The following RUFY4 variants were observed in gnomAD, a reference collection of about 807,000 sequenced individuals.
RUFY4 encodes the protein RUN and FYVE domain-containing protein 4.
In RUFY4, 73 loss-of-function variants were observed where a neutral mutation model predicts 69.0. That is an observed-to-expected ratio of 1.06 (90% CI 0.88 to 1.29). The LOEUF (loss-of-function observed/expected upper bound fraction) is 1.29. Among genes scored for constraint, RUFY4 ranks in the 50% most tolerant of loss-of-function variants. The probability of loss-of-function intolerance (pLI) is 0.00; values close to 1 mark genes in which losing one functional copy is unlikely to be tolerated. For synonymous variants in RUFY4, 287 were observed against 271.8 expected, an observed-to-expected ratio of 1.06 and a Z score of -0.55; for missense variants, 770 against 705.6, an observed-to-expected ratio of 1.09 and a Z score of -1.03.
upstream of RUFY4, chr2:218,069,435 G>A (rs947588556): frequency 1.3e-5 from 2 of 152,102 alleles, no homozygotes; most frequent in African/African-American, 2.4e-5. Context: ...TGGCAGAGAC[G>A]AGGGAGAGGA....
intron 2 of RUFY4, among the ~76,000 whole-genome samples, chr2:218,038,181 T>A (rs1959006645): frequency 6.6e-6 from 1 of 152,010 alleles, no homozygotes; most frequent in South Asian, 2.1e-4. Flanking sequence ...GTTATCAGAG[T>A]CCTTTCCATG....
intron 2 of RUFY4, among the ~76,000 whole-genome samples, chr2:218,052,783 A>C (rs1574496622): frequency 6.6e-6 from 1 of 150,764 alleles, no homozygotes; most frequent in African/African-American, 2.4e-5. Flanking sequence ...TGTGCTGTTA[A>C]TATTAATAAA....
At chr2:218,088,366 G>A (rs945178347) in intron 9 of RUFY4, among the ~76,000 whole-genome samples, 1 of 151,430 alleles carries the variant, frequency 6.6e-6, no homozygotes, top group Non-Finnish European at 1.5e-5. Context: ...GCTAAAGTGT[G>A]AGGATCACCT....
chr2:218,076,694 T>C (rs1314238971), intron 8 of RUFY4, among the ~76,000 whole-genome samples, 161 bp downstream of exon 10: 1 of 152,116 alleles, frequency 6.6e-6, no homozygotes, highest in African/African-American at 2.4e-5. Context: ...TTGCTCCTGA[T>C]CCCAGGGCTC....
chr2:218,047,252 C>T (rs956127637), intron 2 of RUFY4, among the ~76,000 whole-genome samples: 1 of 152,064 alleles, frequency 6.6e-6, no homozygotes. Flanking sequence ...AAAATGTGTC[C>T]TTTTAACAGA....
intron 8 of RUFY4, among the ~76,000 whole-genome samples, chr2:218,077,252 A>G (rs1335671996): frequency 1.3e-5 from 2 of 151,448 alleles, no homozygotes. Flanking sequence ...TCTCCTGCTC[A>G]GTGTCTCTCA....
upstream of RUFY4, among the ~76,000 whole-genome samples, chr2:218,067,519 C>T (rs1460533044): frequency 1.3e-5 from 2 of 152,162 alleles, no homozygotes; most frequent in African/African-American, 2.4e-5. Context: ...TTCCCTAAGC[C>T]CCTGAAGAGG....
At chr2:218,060,541 T>C in intron 3 of RUFY4, 1 of 1,298,482 alleles carries the variant, frequency 7.7e-7, no homozygotes, top group Non-Finnish European at 1.1e-6. Context: ...ATCCAGGGCC[T>C]GGTTGATGTC....
upstream of RUFY4, among the ~76,000 whole-genome samples, chr2:218,064,353 C>T (rs1469014106): frequency 6.6e-6 from 1 of 152,152 alleles, no homozygotes; most frequent in Non-Finnish European, 1.5e-5. Flanking sequence ...CCAGCCTGGA[C>T]CAGCCCACTC....
intron 3 of RUFY4, chr2:218,060,712 G>A (rs571837066): frequency 5.7e-5 from 78 of 1,368,404 alleles, no homozygotes; most frequent in Middle Eastern, 1.8e-4. Flanking sequence ...CTTAAACAGC[G>A]TATGCAGGGT....
At chr2:218,085,696 T>G (rs1689878039) in intron 9 of RUFY4, among the ~76,000 whole-genome samples, 1 of 152,160 alleles carries the variant, frequency 6.6e-6, no homozygotes, top group South Asian at 2.1e-4. Context: ...CCTCCCCACA[T>G]GCAGAATATC....
At chr2:218,067,662 G>C (rs1012778638), upstream of RUFY4, among the ~76,000 whole-genome samples, 1 of 152,162 alleles carries the variant, frequency 6.6e-6, no homozygotes, top group African/African-American at 2.4e-5. Flanking sequence ...AGGCCGCTTA[G>C]AAACCAGCTC....
chr2:218,075,323 G>A, exon 7 of RUFY4: 3 of 1,609,962 alleles, frequency 1.9e-6, no homozygotes, highest in East Asian at 2.2e-5. Context: ...AGCTAGACCA[G>A]GAGGAAAGAG....
At position 218,070,834 on chromosome 2, in the gene RUFY4, GTGGC is replaced by G; in HGVS notation, c.131_134del (p.Gly44AlafsTer50). ...ACCAGTGCCGAGCTGCACAGACTCT[GTGGC>G]TGCCTGGAGCTGCTGCTGCAGGTGG... On this transcript the variant is annotated frameshift_variant, in exon 2 of 11. Transcript: ENST00000344321. LOFTEE classifies it high-confidence loss of function. 7.2e-6 allele frequency: 11 copies of G among 1,536,756 alleles called. No individual in the cohort carries two copies. The highest frequency in any genetic ancestry group is 9.6e-6 in the Non-Finnish European group (11 of 1,146,452).
intron 2 of RUFY4, among the ~76,000 whole-genome samples, chr2:218,039,607 A>G (rs1031026251): frequency 2.6e-5 from 4 of 152,208 alleles, no homozygotes; most frequent in African/African-American, 9.7e-5. Context: ...GACTCAAGCC[A>G]GGGAACAGAC....
chr2:218,077,340 C>A (rs1455131812), intron 8 of RUFY4, among the ~76,000 whole-genome samples: 1 of 152,194 alleles, frequency 6.6e-6, no homozygotes, highest in African/African-American at 2.4e-5. Context: ...ACCATCCCCC[C>A]TCAGTCCTCA....
intron 2 of RUFY4, among the ~76,000 whole-genome samples, chr2:218,037,349 C>T (rs116530024): frequency 0.015 from 2,220 of 151,456 alleles, 27 homozygotes; most frequent in Non-Finnish European, 0.025. Context: ...AACTGAAAAA[C>T]AATGAGCAGG....
At chr2:218,043,620 G>A (rs961263609) in intron 2 of RUFY4, among the ~76,000 whole-genome samples, 3 of 152,222 alleles carry the variant, frequency 2.0e-5, no homozygotes, top group Non-Finnish European at 2.9e-5. Flanking sequence ...GGCTGAGTCT[G>A]GGGTATGCAT....
At chr2:218,052,589 G>A (rs1688968479) in intron 2 of RUFY4, among the ~76,000 whole-genome samples, 1 of 152,066 alleles carries the variant, frequency 6.6e-6, no homozygotes. Flanking sequence ...AAGAAACAGA[G>A]ATTTCAAGTT....
Sources: allele counts gnomAD v4.1 joint callset (sites outside exome capture counted in the v4.1 genomes callset), GRCh38; gene constraint gnomAD v4.1.1; transcripts MANE v1.5; gene names NCBI Gene and HGNC (gene_info 2026-07-23, HGNC 2026-07-21).